Variants in ATL2 observed in about 807,000 individuals in gnomAD.
The protein encoded by ATL2 is atlastin GTPase 2.
In ATL2, 31 loss-of-function variants were observed where a neutral mutation model predicts 73.9. That is an observed-to-expected ratio of 0.42 (90% CI 0.32 to 0.57). The LOEUF is 0.57. ATL2 is among the 20% of genes least tolerant of loss of function. ATL2 has a pLI of 0.14. For synonymous variants in ATL2, 291 were observed against 237.5 expected (o/e 1.23, Z -2.07); for missense variants, 738 against 702.6 (o/e 1.05, Z -0.57).
chr2:38,314,593 G>C lies in ATL2; in HGVS notation c.711+15C>G. 3.8e-6 allele frequency: 6 copies of C among 1,577,828 alleles called. No homozygotes were observed. Among genetic ancestry groups the C allele is most frequent in the East Asian group, 2.2e-5 (1 of 44,584 alleles). On this transcript the variant is annotated intron_variant, in intron 6 of 12. Coordinates refer to ENST00000378954, the MANE Select transcript of ATL2 (RefSeq NM_001135673.4). The stretch of plus-strand genomic sequence containing the variant: ...TCATAGGCTAATCTTTAAAATGTTA[G>C]AATAACTTTTTTACCTGAAATGGTT...
intron 2 of ATL2, among the ~76,000 whole-genome samples, chr2:38,325,623 T>TACACAC (rs759453659): frequency 9.6e-5 from 9 of 93,424 alleles, no homozygotes; most frequent in African/African-American, 4.1e-4. Flanking sequence ...CACACACCAG[T>TACACAC]ACATACACAC....
At chr2:38,328,795 A>C (rs1049460334) in intron 2 of ATL2, among the ~76,000 whole-genome samples, 7 of 152,082 alleles carry the variant, frequency 4.6e-5, no homozygotes, top group Admixed American at 3.9e-4. Context: ...ATATAAACCT[A>C]AAGTAAGATG....
intron 1 of ATL2, among the ~76,000 whole-genome samples, chr2:38,374,386 C>T (rs1343052281): frequency 1.3e-5 from 2 of 152,162 alleles, no homozygotes; most frequent in African/African-American, 2.4e-5. Context: ...AATAATACAC[C>T]TGGACTTTGA....
chr2:38,322,289 T>A (rs1668370269), intron 2 of ATL2, among the ~76,000 whole-genome samples: 1 of 152,220 alleles, frequency 6.6e-6, no homozygotes, highest in South Asian at 2.1e-4. Flanking sequence ...TACTCTACAT[T>A]TTACTTATTT....
chr2:38,308,634 C>G (rs1295978741), intron 9 of ATL2, among the ~76,000 whole-genome samples: 1 of 151,916 alleles, frequency 6.6e-6, no homozygotes, highest in Non-Finnish European at 1.5e-5. Context: ...GGAAGGGATA[C>G]AGGCTTGAGG....
intron 2 of ATL2, among the ~76,000 whole-genome samples, chr2:38,333,262 C>G (rs1669107608): frequency 1.3e-5 from 2 of 152,144 alleles, no homozygotes; most frequent in South Asian, 4.1e-4. Flanking sequence ...TCACTCCAGC[C>G]TGGGCAACAG....
chr2:38,370,384 G>A (rs150801245), intron 1 of ATL2, among the ~76,000 whole-genome samples: 1,763 of 146,812 alleles, frequency 0.012, 41 homozygotes, highest in African/African-American at 0.042. Flanking sequence ...GGGAGGCGGA[G>A]GTTACAGTGA....
At chr2:38,320,572 T>A (rs541143996) in intron 2 of ATL2, among the ~76,000 whole-genome samples, 40 of 152,302 alleles carry the variant, frequency 2.6e-4, no homozygotes, top group African/African-American at 7.0e-4. Context: ...TAAGGTAATT[T>A]TTCTAGAAAA....
At chr2:38,357,832 CTTAAAA>C (rs1670767242) in intron 1 of ATL2, among the ~76,000 whole-genome samples, 1 of 152,064 alleles carries the variant, frequency 6.6e-6, no homozygotes, top group African/African-American at 2.4e-5. Context: ...AGCCTCAATA[CTTAAAA>C]TTAAAACTAT....
chr2:38,326,059 G>A (rs187204011), intron 2 of ATL2, among the ~76,000 whole-genome samples: 1 of 151,998 alleles, frequency 6.6e-6, no homozygotes, highest in Non-Finnish European at 1.5e-5. Flanking sequence ...GCAACATAAG[G>A]AGACTGTGTC....
At chr2:38,369,476 C>A (rs950323356) in intron 1 of ATL2, among the ~76,000 whole-genome samples, 1 of 150,028 alleles carries the variant, frequency 6.7e-6, no homozygotes, top group Non-Finnish European at 1.5e-5. Flanking sequence ...TTAGTAGAGA[C>A]GGGGTTTCAC....
At chr2:38,302,256 C>T (rs1667227679) in intron 9 of ATL2, among the ~76,000 whole-genome samples, 1 of 151,930 alleles carries the variant, frequency 6.6e-6, no homozygotes, top group Non-Finnish European at 1.5e-5. Context: ...TGACCCAGCA[C>T]ATTCCCAGAT....
At chr2:38,357,566 C>G (rs1277856104) in intron 1 of ATL2, among the ~76,000 whole-genome samples, 1 of 145,216 alleles carries the variant, frequency 6.9e-6, no homozygotes, top group Non-Finnish European at 1.5e-5. Flanking sequence ...GCAGAAGAAT[C>G]GCTTGAACCC....
At chr2:38,325,705 C>CCAGT (rs1668601544) in intron 2 of ATL2, among the ~76,000 whole-genome samples, 1 of 74,610 alleles carries the variant, frequency 1.3e-5, no homozygotes, top group Non-Finnish European at 2.4e-5. Context: ...CCAGTACACA[C>CCAGT]ACACACACAC....
chr2:38,362,670 C>CA (rs1214432206), intron 1 of ATL2, among the ~76,000 whole-genome samples: 1 of 152,206 alleles, frequency 6.6e-6, no homozygotes, highest in Non-Finnish European at 1.5e-5. Flanking sequence ...TGAACACCTA[C>CA]AACACAGTTC....
intron 2 of ATL2, among the ~76,000 whole-genome samples, chr2:38,324,388 C>T (rs193034325): frequency 1.1e-3 from 167 of 152,328 alleles, no homozygotes; most frequent in African/African-American, 3.9e-3. Flanking sequence ...AAACTAGTAC[C>T]TAATCAGGAG....
At position 38,309,468 on chromosome 2, in the gene ATL2, C is replaced by T. The variant is rs752639682; in HGVS notation, c.982G>A (p.Val328Ile). The change falls in exon 9 of 13, where the codon GTT (valine) becomes ATT (isoleucine). Residue 328 changes from valine (V) to isoleucine (I), a missense_variant. By Grantham distance (29) the Val-to-Ile change is conservative. Coordinates refer to ENST00000378954, the MANE Select transcript of ATL2 (RefSeq NM_001135673.4). ...TTTTCAGGGGCAAGCAGCAATGGAA[C>T]CAGATTTCGAAGCTCTCGTTTAAAG... ...EDFKRELRNL[V>I]PLLLAPENLV... The T allele has an allele frequency of 6.2e-7, 1 of 1,612,678 alleles. No individual in the cohort carries two copies. The highest frequency in any genetic ancestry group is 8.5e-7 in the Non-Finnish European group (1 of 1,179,678).
chr2:38,309,233 T>G, intron 9 of ATL2, 146 bp downstream of exon 9: 1 of 723,234 alleles, frequency 1.4e-6, no homozygotes, highest in Non-Finnish European at 2.1e-6. Context: ...TAAATACAGA[T>G]ACATCTAATT....
At chr2:38,340,274 A>T (rs1473471691) in intron 2 of ATL2, among the ~76,000 whole-genome samples, 3 of 151,372 alleles carry the variant, frequency 2.0e-5, no homozygotes, top group Non-Finnish European at 4.4e-5. Flanking sequence ...ACCTATGTAA[A>T]ATTTCATCAA....
Sources: gnomAD v4.1 joint callset for allele counts (sites outside exome capture counted in the v4.1 genomes callset) on GRCh38, gnomAD v4.1.1 for gene constraint, MANE v1.5 for transcripts, NCBI Gene and HGNC (gene_info 2026-07-23, HGNC 2026-07-21) for gene names.